The following PDE10A variants were observed in gnomAD, a reference collection of about 807,000 sequenced individuals.
PDE10A encodes phosphodiesterase 10A, also known as cAMP and cAMP-inhibited cGMP 3',5'-cyclic phosphodiesterase 10A.
A neutral mutation model predicts 97.7 loss-of-function variants in PDE10A; 39 were observed. The ratio of observed to expected loss-of-function variants is 0.40; its 90% CI spans 0.31 to 0.52. PDE10A has a LOEUF of 0.52. PDE10A is among the 20% of genes least tolerant of loss of function. The pLI is 0.56. For synonymous variants in PDE10A, 371 were observed against 376.8 expected, an observed-to-expected ratio of 0.98 and a Z score of 0.18; for missense variants, 731 against 1,047.8, an observed-to-expected ratio of 0.70 and a Z score of 4.17.
intron 1 of PDE10A, among the ~76,000 whole-genome samples, chr6:165,958,342 C>A (rs1338744567): frequency 6.6e-6 from 1 of 151,876 alleles, no homozygotes; most frequent in East Asian, 1.9e-4. Flanking sequence ...CAAATAATTA[C>A]CACTTGGCCT....
chr6:165,845,116 T>C (rs947081403), intron 1 of PDE10A, among the ~76,000 whole-genome samples: 1 of 152,226 alleles, frequency 6.6e-6, no homozygotes, highest in African/African-American at 2.4e-5. Context: ...TGATGGGCTA[T>C]GAGAGCTGAT....
chr6:165,834,848 C>A (rs1222194791), intron 1 of PDE10A, among the ~76,000 whole-genome samples: 4 of 152,310 alleles, frequency 2.6e-5, no homozygotes, highest in South Asian at 2.1e-4. Context: ...ATGACAAGTA[C>A]CAGTTCCTAC....
At chr6:165,705,033 A>C (rs891272829) in intron 1 of PDE10A, among the ~76,000 whole-genome samples, 1 of 152,204 alleles carries the variant, frequency 6.6e-6, no homozygotes, top group Non-Finnish European at 1.5e-5. Flanking sequence ...CATGTCTCAA[A>C]GCACGAGCCC....
intron 1 of PDE10A, among the ~76,000 whole-genome samples, chr6:165,953,573 A>G (rs1476391712): frequency 6.8e-6 from 1 of 147,092 alleles, no homozygotes; most frequent in Non-Finnish European, 1.5e-5. Flanking sequence ...CCTGGGTGAC[A>G]GAATGAGACT....
intron 1 of PDE10A, among the ~76,000 whole-genome samples, chr6:165,594,391 T>C (rs1328448321): frequency 2.6e-5 from 4 of 152,020 alleles, no homozygotes; most frequent in African/African-American, 7.3e-5. Context: ...AAATAATAAA[T>C]ACAGCAATAG....
intron 10 of PDE10A, among the ~76,000 whole-genome samples, chr6:165,428,296 G>T (rs797008156): frequency 6.6e-6 from 1 of 152,084 alleles, no homozygotes; most frequent in Admixed American, 6.6e-5. Context: ...CTAGGAGAGA[G>T]GAATAATTAA....
At chr6:165,953,905 G>A (rs1442110949) in intron 1 of PDE10A, among the ~76,000 whole-genome samples, 1 of 152,136 alleles carries the variant, frequency 6.6e-6, no homozygotes, top group Non-Finnish European at 1.5e-5. Flanking sequence ...ATTCCCCTGT[G>A]TCCCACCTCT....
At chr6:165,951,274 T>C (rs300119) in intron 1 of PDE10A, among the ~76,000 whole-genome samples, 71,857 of 151,812 alleles carry the variant, frequency 0.47, 18,827 homozygotes, top group Admixed American at 0.61. Flanking sequence ...TCCAACATTG[T>C]TTTACGTCTT....
chr6:165,525,568 C>A (rs923506665), intron 2 of PDE10A, among the ~76,000 whole-genome samples: 2 of 152,144 alleles, frequency 1.3e-5, no homozygotes, highest in African/African-American at 4.8e-5. Context: ...TACCCTTGAC[C>A]AATTCTTTGC....
chr6:165,855,215 C>G (rs1184061233), intron 1 of PDE10A, among the ~76,000 whole-genome samples: 17 of 151,676 alleles, frequency 1.1e-4, no homozygotes, highest in Admixed American at 1.1e-3. Flanking sequence ...AGCCCCAGAC[C>G]CAGAAGGAAT....
intron 2 of PDE10A, among the ~76,000 whole-genome samples, chr6:165,504,998 G>A (rs1781107984): frequency 6.6e-6 from 1 of 152,162 alleles, no homozygotes; most frequent in African/African-American, 2.4e-5. Flanking sequence ...CCACCAGATT[G>A]CTGTCGCCTG....
intron 1 of PDE10A, among the ~76,000 whole-genome samples, chr6:165,685,001 T>G (rs1582925238): frequency 6.6e-6 from 1 of 152,318 alleles, no homozygotes; most frequent in Admixed American, 6.5e-5. Flanking sequence ...CCCCAAGTAA[T>G]ACATCTGTCA....
intron 1 of PDE10A, among the ~76,000 whole-genome samples, chr6:165,783,665 CACAG>C: frequency 6.6e-6 from 1 of 152,280 alleles, no homozygotes; most frequent in Middle Eastern, 3.4e-3. Flanking sequence ...GCAAAGGTAT[CACAG>C]AATGAGTCCT....
chr6:165,876,726 C>T (rs566772033), intron 1 of PDE10A, among the ~76,000 whole-genome samples: 1 of 152,250 alleles, frequency 6.6e-6, no homozygotes, highest in African/African-American at 2.4e-5. Context: ...AGCCTCCGTG[C>T]GTCACGGAGC....
At chr6:165,419,792 C>A (rs995270863) in intron 10 of PDE10A, among the ~76,000 whole-genome samples, 2 of 152,160 alleles carry the variant, frequency 1.3e-5, no homozygotes, top group African/African-American at 2.4e-5. Context: ...AAGAATTCAT[C>A]CTTACAGTAA....
chr6:165,408,658 T>G (rs151233117), intron 13 of PDE10A, among the ~76,000 whole-genome samples: 3 of 152,092 alleles, frequency 2.0e-5, no homozygotes, highest in Non-Finnish European at 4.4e-5. Context: ...AATATCATTG[T>G]AAAGAAGACA....
At chr6:165,704,973 C>G (rs1791671225) in intron 1 of PDE10A, among the ~76,000 whole-genome samples, 1 of 152,216 alleles carries the variant, frequency 6.6e-6, no homozygotes, top group Non-Finnish European at 1.5e-5. Flanking sequence ...CTGTTGTGTC[C>G]TCCCAGGAGT....
chr6:165,980,234 C>T (rs1445420276), intron 1 of PDE10A, among the ~76,000 whole-genome samples: 2 of 152,212 alleles, frequency 1.3e-5, no homozygotes, highest in Non-Finnish European at 2.9e-5. Context: ...GTACTCATGA[C>T]AGATCAAACT....
At position 165,828,919 on chromosome 6, in the gene PDE10A, C is replaced by T. The variant is rs117520469; in HGVS notation, c.-615+158610G>A. ...AAAAAAAGGCTAATTTAAGGTAACA[C>T]GGCAGCGTTAATGAAATCAAGCTAG... On this transcript the variant is annotated intron_variant, in intron 1 of 19. Transcript: ENST00000366882. Among the ~76,000 whole-genome samples, 827 of 152,318 alleles carry T rather than the reference C, an allele frequency of 5.4e-3. 2 individuals are homozygous for T. The highest frequency in any genetic ancestry group is 8.4e-3 in the Non-Finnish European group (573 of 68,024).
Sources: allele counts gnomAD v4.1 joint callset (sites outside exome capture counted in the v4.1 genomes callset), GRCh38; gene constraint gnomAD v4.1.1; transcripts MANE v1.5; gene names NCBI Gene and HGNC (gene_info 2026-07-23, HGNC 2026-07-21).